DPP6: variants seen among roughly 807,000 people sequenced by gnomAD.
DPP6 encodes the protein A-type potassium channel modulatory protein DPP6.
Under a neutral mutation model 122.6 loss-of-function variants are expected in DPP6, and 69 were observed. That is an observed-to-expected ratio of 0.56 (90% confidence interval 0.46 to 0.69). The LOEUF (loss-of-function observed/expected upper bound fraction) is 0.69, where lower values mean the gene tolerates loss of function less well. Among genes scored for constraint, DPP6 ranks in the 30% least tolerant of loss-of-function variants. The pLI is 0.00. For missense variants in DPP6, 928 were observed against 1,116.9 expected (o/e 0.83, Z 2.41); for synonymous variants, 418 against 433.1 (o/e 0.97, Z 0.43).
At chr7:153,808,256 C>T in the DPP6 span, among the ~76,000 whole-genome samples, 2 of 145,010 alleles carry the variant, frequency 1.4e-5, no homozygotes, top group Non-Finnish European at 3.0e-5. Flanking sequence ...CACGTGCGTG[C>T]GTGTGTGCCT....
chr7:153,818,268 T>C, the DPP6 span, among the ~76,000 whole-genome samples: 2 of 152,186 alleles, frequency 1.3e-5, no homozygotes, highest in African/African-American at 4.8e-5. Flanking sequence ...GACACTGTGA[T>C]GGGCTGGAGA....
Position 154,343,482 on chromosome 7 carries a change from C to T in DPP6, c.244-102732C>T, listed in dbSNP as rs368129276. 1.2e-4 allele frequency among the ~76,000 whole-genome samples: 18 copies of T among 152,348 alleles called. No homozygotes were observed. In the East Asian group the frequency reaches 2.9e-3, roughly 24 times the overall value. On this transcript the variant is annotated intron_variant, in intron 1 of 25. Transcript: ENST00000377770. Reference sequence around the variant, plus strand: ...AGCGGCTTGAAGTCCAAAATCACACCCGTGCACATGTAGGATTGTTGTCTC... The same window carrying T: ...AGCGGCTTGAAGTCCAAAATCACACTCGTGCACATGTAGGATTGTTGTCTC...
chr7:154,891,751 A>C lies in DPP6; in HGVS notation c.2452-583A>C, dbSNP rs532491598. Among the ~76,000 whole-genome samples, 5 of 152,090 alleles carry C rather than the reference A, an allele frequency of 3.3e-5. 1 individual carries two copies. In the South Asian group the frequency reaches 1.0e-3, roughly 32 times the overall value. ...CAGGCACGCCCCACCATGCCCAGCT[A>C]ATTTTTGTATTTTTAGTAGAGACAC... On this transcript the variant is annotated intron_variant, in intron 25 of 25. Coordinates refer to ENST00000377770, the MANE Select transcript of DPP6 (RefSeq NM_130797.4).
chr7:153,874,891 T>C, the DPP6 span, among the ~76,000 whole-genome samples: 4 of 152,070 alleles, frequency 2.6e-5, no homozygotes, highest in African/African-American at 9.7e-5. Context: ...ATAATAGATG[T>C]TGGAAACCTC....
rs1316037181 is a variant in DPP6, at chr7:154,555,513, GC to G, written c.553-11328del. ...GATAGCATTAGGAGATATACCTAAT[GC>G]TAAATGACGAGTTAATGGGTGCAGC... On this transcript the variant is annotated intron_variant, in intron 4 of 25. Coordinates refer to ENST00000377770, the MANE Select transcript of DPP6 (RefSeq NM_130797.4). Among the ~76,000 whole-genome samples, 31 of 152,132 alleles carry G rather than the reference GC, an allele frequency of 2.0e-4. No homozygotes were observed. In the South Asian group the frequency reaches 2.1e-3, roughly 10 times the overall value.
intron 1 of DPP6, among the ~76,000 whole-genome samples, chr7:153,961,325 G>T (rs7793491): frequency 0.74 from 111,102 of 150,250 alleles, 41,384 homozygotes; most frequent in East Asian, 1. Flanking sequence ...GATGGTTCAT[G>T]TCCTTTTTCC....
At chr7:154,035,227 T>C (rs1799459659) in intron 1 of DPP6, among the ~76,000 whole-genome samples, 1 of 152,256 alleles carries the variant, frequency 6.6e-6, no homozygotes. Flanking sequence ...ATGCCATCTC[T>C]TCATGAGGGC....
intron 1 of DPP6, among the ~76,000 whole-genome samples, chr7:154,426,689 G>A (rs535856580): frequency 2.0e-5 from 3 of 151,974 alleles, no homozygotes; most frequent in Admixed American, 2.0e-4. Context: ...TTAGAATTAA[G>A]GACTTGCTGC....
At chr7:153,999,346 T>A (rs1248969182) in intron 1 of DPP6, among the ~76,000 whole-genome samples, 1 of 152,256 alleles carries the variant, frequency 6.6e-6, no homozygotes, top group Non-Finnish European at 1.5e-5. Context: ...GCAAGCAGTA[T>A]GGAAACCTGA....
the DPP6 span, among the ~76,000 whole-genome samples, chr7:153,874,778 A>G: frequency 6.6e-6 from 1 of 152,238 alleles, no homozygotes; most frequent in African/African-American, 2.4e-5. Context: ...CAATGAATGG[A>G]TTTAACAACC....
At chr7:154,421,602 G>A (rs1309422803) in intron 1 of DPP6, among the ~76,000 whole-genome samples, 1 of 152,156 alleles carries the variant, frequency 6.6e-6, no homozygotes, top group African/African-American at 2.4e-5. Context: ...GGGATTACGG[G>A]CATGAGCCAC....
rs1309628018 is a variant in DPP6, at chr7:154,053,141, A to T, written c.243+78A>T. The T allele has an allele frequency of 2.3e-4, 189 of 826,552 alleles. 3 individuals are homozygous for T. Among genetic ancestry groups the T allele is most frequent in the Middle Eastern group, 1.1e-3 (2 of 1,748 alleles). 51.2% of individuals were successfully genotyped at this position (826,552 alleles called of 1,614,324 possible). A position where few individuals can be genotyped will look rare whatever the true frequency, so the allele number is the denominator to read the frequency against. On this transcript the variant is annotated intron_variant, in intron 1 of 25. Coordinates refer to ENST00000377770, the MANE Select transcript of DPP6 (RefSeq NM_130797.4). ...GCAGCGAGACGCGTCGGCAGGGGAAATTTTTTTTGGGGGGGGAATCAGGCG... is the reference window on the plus strand; with the variant it reads ...GCAGCGAGACGCGTCGGCAGGGGAATTTTTTTTTGGGGGGGGAATCAGGCG...
Position 154,671,858 on chromosome 7 carries a change from A to ATACATG in DPP6, c.762+2417_762+2418insTACATG, listed in dbSNP as rs1228320219. On this transcript the variant is annotated intron_variant, in intron 7 of 25. Coordinates refer to ENST00000377770, the MANE Select transcript of DPP6 (RefSeq NM_130797.4). The stretch of plus-strand genomic sequence containing the variant: ...GGCTTCCTGACACCTCCCCCAACAC[A>ATACATG]CACATGCACACACACACACACACAC... 4.7e-3 allele frequency among the ~76,000 whole-genome samples: 411 copies of ATACATG among 88,384 alleles called. 2 individuals are homozygous for ATACATG. The highest frequency in any genetic ancestry group is 0.012 in the African/African-American group (319 of 26,118). The allele number at this position is 88,384 out of a possible 152,430, so 58.0% of individuals were successfully genotyped here. A position where few individuals can be genotyped will look rare whatever the true frequency, so the allele number is the denominator to read the frequency against.
chr7:154,767,687 G>A (rs187051259), intron 8 of DPP6, among the ~76,000 whole-genome samples: 248 of 152,248 alleles, frequency 1.6e-3, no homozygotes, highest in Non-Finnish European at 2.6e-3. Flanking sequence ...TTTGCAGATC[G>A]GGACTCAAGA....
chr7:153,968,382 T>C (rs1020089737), intron 1 of DPP6, among the ~76,000 whole-genome samples: 2 of 152,214 alleles, frequency 1.3e-5, no homozygotes, highest in Non-Finnish European at 2.9e-5. Context: ...TTCATATTCT[T>C]TGTCCACTTT....
At chr7:154,836,810 G>A (rs1563265757) in intron 16 of DPP6, among the ~76,000 whole-genome samples, 1 of 152,286 alleles carries the variant, frequency 6.6e-6, no homozygotes, top group East Asian at 1.9e-4. Flanking sequence ...CAGTTCAAGT[G>A]ATCCTCCTGC....
At chr7:154,291,053 T>C (rs144438906) in intron 1 of DPP6, among the ~76,000 whole-genome samples, 2 of 152,346 alleles carry the variant, frequency 1.3e-5, no homozygotes, top group African/African-American at 4.8e-5. Flanking sequence ...TTGAAAATAC[T>C]GGGCTTCAGA....
At chr7:154,584,981 C>T (rs1174969551) in intron 5 of DPP6, among the ~76,000 whole-genome samples, 1 of 152,058 alleles carries the variant, frequency 6.6e-6, no homozygotes, top group Non-Finnish European at 1.5e-5. Flanking sequence ...GCTTTAAGAC[C>T]TGGATAGACT....
chr7:154,691,395 G>T (rs995621122), intron 7 of DPP6, among the ~76,000 whole-genome samples: 2 of 152,052 alleles, frequency 1.3e-5, no homozygotes, highest in East Asian at 1.9e-4. Context: ...TCATGTTTTG[G>T]TTTTTTGGTA....
Sources: allele counts gnomAD v4.1 joint callset (sites outside exome capture counted in the v4.1 genomes callset), GRCh38; gene constraint gnomAD v4.1.1; transcripts MANE v1.5; gene names NCBI Gene and HGNC (gene_info 2026-07-23, HGNC 2026-07-21).